The following CCNJL variants were observed in gnomAD, a reference collection of about 807,000 sequenced individuals.
The protein encoded by CCNJL is cyclin-J-like protein.
A neutral mutation model predicts 33.4 loss-of-function variants in CCNJL; 33 were observed. The ratio of observed to expected loss-of-function variants is 0.99; its 90% confidence interval spans 0.75 to 1.32. The LOEUF (loss-of-function observed/expected upper bound fraction) is 1.32. CCNJL is among the 40% of genes most tolerant of loss of function. CCNJL has a pLI of 0.00. For synonymous variants in CCNJL, 227 were observed against 220.9 expected (o/e 1.03, Z -0.24); for missense variants, 512 against 499.7 (o/e 1.02, Z -0.23).
At chr5:160,280,767 C>T (rs753554517) in intron 2 of CCNJL, 29 bp from the exon 3 acceptor site, 7 of 1,471,184 alleles carry the variant, frequency 4.8e-6, no homozygotes, top group East Asian at 4.9e-5. Flanking sequence ...GGAGGGGTGA[C>T]GGTCAGGGCT....
chr5:160,286,279 G>A (rs192610948), intron 2 of CCNJL, among the ~76,000 whole-genome samples: 3 of 152,354 alleles, frequency 2.0e-5, no homozygotes, highest in Admixed American at 1.3e-4. Context: ...CGTCTTTCCT[G>A]TACGTGTTCC....
chr5:160,308,870 A>G (rs1213073163), intron 2 of CCNJL, among the ~76,000 whole-genome samples: 1 of 152,258 alleles, frequency 6.6e-6, no homozygotes, highest in Non-Finnish European at 1.5e-5. Context: ...GCAGCAATAG[A>G]TTAAGGGAGA....
chr5:160,262,208 G>C (rs1761367971), intron 3 of CCNJL, among the ~76,000 whole-genome samples: 1 of 152,180 alleles, frequency 6.6e-6, no homozygotes, highest in Non-Finnish European at 1.5e-5. Context: ...TACTGGGGTG[G>C]CACTAAGACC....
chr5:160,253,397 G>C lies in CCNJL; in HGVS notation c.1145C>G (p.Thr382Ser). The C allele has an allele frequency of 6.3e-7, 1 of 1,587,902 alleles. No homozygotes were observed. The highest frequency in any genetic ancestry group is 8.6e-7 in the Non-Finnish European group (1 of 1,164,334). The change falls in exon 6 of 6, where the codon ACC (threonine) becomes AGC (serine). Residue 382 changes from threonine (T) to serine (S), a missense_variant. By Grantham distance (58) the Thr-to-Ser change is moderately conservative. Transcript: ENST00000257536. ...GGTGGCCTATCTGTCAAAGCAGCCGGTGGGGAACATGTGGCTCCCACTGAA... is the reference window on the plus strand; with the variant it reads ...GGTGGCCTATCTGTCAAAGCAGCCGCTGGGGAACATGTGGCTCCCACTGAA... Reference protein sequence around the residue: ...SYFSGSHMFPTGCFDR With the variant: ...SYFSGSHMFPSGCFDR
intron 4 of CCNJL, chr5:160,258,345 G>T (rs182187678): frequency 2.5e-5 from 19 of 765,882 alleles, no homozygotes; most frequent in Non-Finnish European, 4.1e-5. Flanking sequence ...ATAAACTGGG[G>T]TTAATGAAAG....
At chr5:160,332,322 C>T (rs570568824) in intron 1 of CCNJL, among the ~76,000 whole-genome samples, 6 of 152,286 alleles carry the variant, frequency 3.9e-5, no homozygotes, top group African/African-American at 1.4e-4. Context: ...CACCAACTCT[C>T]CACTGGATAG....
At chr5:160,328,600 A>G (rs1763567864) in intron 1 of CCNJL, among the ~76,000 whole-genome samples, 1 of 151,812 alleles carries the variant, frequency 6.6e-6, no homozygotes, top group African/African-American at 2.4e-5. Flanking sequence ...CTTAAAAAAA[A>G]AAAAAGACTG....
At chr5:160,287,736 C>T (rs1762454911) in intron 2 of CCNJL, among the ~76,000 whole-genome samples, 1 of 152,238 alleles carries the variant, frequency 6.6e-6, no homozygotes, top group Admixed American at 6.5e-5. Context: ...TAAAGCTCTC[C>T]CCAGATTAGG....
chr5:160,280,237 G>A (rs541022040), intron 3 of CCNJL, among the ~76,000 whole-genome samples: 194 of 152,244 alleles, frequency 1.3e-3, no homozygotes, highest in Non-Finnish European at 1.1e-3. Context: ...AACTGGCTTC[G>A]TCACCTCTCT....
intron 1 of CCNJL, chr5:160,327,055 G>A (rs1291017820): frequency 2.4e-5 from 9 of 374,420 alleles, no homozygotes; most frequent in Admixed American, 7.4e-5. Flanking sequence ...ACATTTATTC[G>A]TATTGTTTTG....
At chr5:160,269,483 G>A (rs373604406) in intron 3 of CCNJL, 24 of 456,534 alleles carry the variant, frequency 5.3e-5, no homozygotes, top group East Asian at 2.1e-4. Flanking sequence ...CTCTGGCCCA[G>A]GTCTGACGGC....
chr5:160,324,096 C>G (rs1763506584), intron 1 of CCNJL, among the ~76,000 whole-genome samples: 1 of 152,194 alleles, frequency 6.6e-6, no homozygotes, highest in African/African-American at 2.4e-5. Flanking sequence ...TCCTTATAAT[C>G]CATCAGTCCA....
chr5:160,331,980 T>C (rs1763613309), intron 1 of CCNJL, among the ~76,000 whole-genome samples: 1 of 152,134 alleles, frequency 6.6e-6, no homozygotes, highest in South Asian at 2.1e-4. Flanking sequence ...CACTCTACTT[T>C]AACCAAGCCT....
At chr5:160,320,797 CTTTCTTT>C (rs1405089007) in intron 1 of CCNJL, among the ~76,000 whole-genome samples, 1 of 46,604 alleles carries the variant, frequency 2.1e-5, no homozygotes, top group Non-Finnish European at 5.0e-5. Context: ...TCCTTTCTTT[CTTTCTTT>C]CTTTCTTTCT....
intron 3 of CCNJL, among the ~76,000 whole-genome samples, chr5:160,276,036 C>A (rs970522446): frequency 6.6e-6 from 1 of 152,220 alleles, no homozygotes; most frequent in African/African-American, 2.4e-5. Flanking sequence ...ACAACCTAAA[C>A]ATCCATCAAC....
intron 5 of CCNJL, 71 bp downstream of exon 5, chr5:160,255,478 G>A (rs1434247899): frequency 2.6e-5 from 38 of 1,462,130 alleles, no homozygotes; most frequent in Non-Finnish European, 3.5e-5. Flanking sequence ...ACTGCCCGTG[G>A]CCTGAGGCAG....
chr5:160,320,500 C>A (rs1429549129), intron 1 of CCNJL, among the ~76,000 whole-genome samples: 6 of 152,174 alleles, frequency 3.9e-5, no homozygotes, highest in Non-Finnish European at 8.8e-5. Context: ...AGAAGTATTC[C>A]TCTTTATGAG....
chr5:160,277,208 G>A (rs80179151), intron 3 of CCNJL, among the ~76,000 whole-genome samples: 2,245 of 152,262 alleles, frequency 0.015, 47 homozygotes, highest in African/African-American at 0.051. Flanking sequence ...TAAAAAGGGC[G>A]GGTGACAGCA....
intron 2 of CCNJL, among the ~76,000 whole-genome samples, chr5:160,307,125 T>G (rs1039384334): frequency 2.6e-5 from 4 of 152,196 alleles, no homozygotes; most frequent in African/African-American, 9.7e-5. Flanking sequence ...ATTCAACATT[T>G]CCCAGAAGAG....
Sources: allele counts gnomAD v4.1 joint callset (sites outside exome capture counted in the v4.1 genomes callset), GRCh38; gene constraint gnomAD v4.1.1; transcripts MANE v1.5; gene names NCBI Gene and HGNC (gene_info 2026-07-23, HGNC 2026-07-21).